Variants in CNTN5 observed in about 807,000 individuals in gnomAD.
CNTN5 encodes contactin-5.
CNTN5 carries 77 observed loss-of-function variants against 129.1 expected under a neutral mutation model. The observed-to-expected ratio is 0.60, with a 90% CI of 0.50 to 0.72. The LOEUF (loss-of-function observed/expected upper bound fraction) is 0.72, where lower values mean the gene tolerates loss of function less well. CNTN5 is among the 30% of genes least tolerant of loss of function. CNTN5 has a pLI of 0.00. For synonymous variants in CNTN5, 509 were observed against 465.6 expected, an observed-to-expected ratio of 1.09 and a Z score of -1.20; for missense variants, 1,478 against 1,328.8, an observed-to-expected ratio of 1.11 and a Z score of -1.75.
At chr11:100,133,901 C>A in intron 13 of CNTN5, among the ~76,000 whole-genome samples, 1 of 152,000 alleles carries the variant, frequency 6.6e-6, no homozygotes, top group Admixed American at 6.6e-5. Flanking sequence ...TTTATAATGT[C>A]ATTTGATTTT....
At chr11:99,170,633 T>A (rs1007265632) in intron 1 of CNTN5, among the ~76,000 whole-genome samples, 2 of 152,246 alleles carry the variant, frequency 1.3e-5, no homozygotes, top group Non-Finnish European at 2.9e-5. Flanking sequence ...AAACAGCATA[T>A]GTTTCTAGGT....
intron 16 of CNTN5, chr11:100,225,085 A>C (rs1482539505): frequency 4.5e-6 from 1 of 223,808 alleles, no homozygotes; most frequent in Non-Finnish European, 9.0e-6. Context: ...CAAGGAAATA[A>C]TCTAAACAGT....
At chr11:99,589,993 A>G (rs1042837370) in intron 3 of CNTN5, among the ~76,000 whole-genome samples, 4 of 152,212 alleles carry the variant, frequency 2.6e-5, no homozygotes, top group Non-Finnish European at 5.9e-5. Context: ...AGAATGATTT[A>G]CGGAGAGATT....
Position 99,615,516 on chromosome 11 carries a change from A to T in CNTN5, c.55+59247A>T, listed in dbSNP as rs191985160. On this transcript the variant is annotated intron_variant, in intron 3 of 24. Transcript: ENST00000524871. ...AGTGATATCCCTTCTTCTGATGATG[A>T]CAGCTTAGCTACTGAAACTGACTTG... Among the ~76,000 whole-genome samples, 5 of 152,312 alleles carry T rather than the reference A, an allele frequency of 3.3e-5. No homozygotes were observed. In the East Asian group the frequency reaches 9.7e-4, roughly 29 times the overall value.
At chr11:99,543,580 G>T (rs1948182130) in intron 2 of CNTN5, among the ~76,000 whole-genome samples, 1 of 152,118 alleles carries the variant, frequency 6.6e-6, no homozygotes, top group Admixed American at 6.5e-5. Context: ...AAGGCACAAT[G>T]AACCTAGATA....
At chr11:99,669,325 C>T (rs1952932975) in intron 3 of CNTN5, among the ~76,000 whole-genome samples, 1 of 151,990 alleles carries the variant, frequency 6.6e-6, no homozygotes. Flanking sequence ...TCATTGCCAT[C>T]TAAATTATTG....
intron 2 of CNTN5, among the ~76,000 whole-genome samples, chr11:99,408,061 T>G (rs1054744319): frequency 6.6e-6 from 1 of 152,058 alleles, no homozygotes; most frequent in Non-Finnish European, 1.5e-5. Flanking sequence ...CTTACAAAGG[T>G]GCTTTTTTCT....
intron 3 of CNTN5, among the ~76,000 whole-genome samples, chr11:99,676,312 C>A (rs1953280588): frequency 6.6e-6 from 1 of 152,038 alleles, no homozygotes; most frequent in South Asian, 2.1e-4. Flanking sequence ...CCATAGACTA[C>A]AACATAAAAA....
At chr11:100,001,565 A>G (rs1053249163) in intron 8 of CNTN5, among the ~76,000 whole-genome samples, 6 of 152,196 alleles carry the variant, frequency 3.9e-5, no homozygotes, top group African/African-American at 1.2e-4. Flanking sequence ...CTTTAAGAAT[A>G]TAGTTGCTGA....
intron 18 of CNTN5, among the ~76,000 whole-genome samples, chr11:100,281,165 T>C (rs1443751607): frequency 6.6e-6 from 1 of 152,146 alleles, no homozygotes; most frequent in African/African-American, 2.4e-5. Context: ...TTTTCCTGTG[T>C]ACTTACTATT....
At chr11:100,115,134 A>AAAAAAAAAAAAAAC (rs1945798733) in intron 13 of CNTN5, among the ~76,000 whole-genome samples, 1 of 150,934 alleles carries the variant, frequency 6.6e-6, no homozygotes, top group Admixed American at 6.6e-5. Flanking sequence ...AAAAAAAAAA[A>AAAAAAAAAAAAAAC]AAAAAGAAAG....
In CNTN5 at chr11:100,299,148, T is replaced by A; in HGVS notation, c.2386-14T>A. ...ATCATTTTGCTGATAATTAATTATA[T>A]TTTTCTTCTTTAGCCAGTATCTGAA... On this transcript the variant is annotated splice_polypyrimidine_tract_variant and intron_variant, in intron 19 of 24. Coordinates refer to ENST00000524871, the MANE Select transcript of CNTN5 (RefSeq NM_014361.4). 1 of 1,491,488 alleles carries A rather than the reference T, an allele frequency of 6.7e-7. No individual in the cohort carries two copies. The highest frequency in any genetic ancestry group is 9.1e-7 in the Non-Finnish European group (1 of 1,096,024). 92.4% of individuals were successfully genotyped at this position (1,491,488 alleles called of 1,614,324 possible).
At chr11:100,124,608 A>G (rs569453952) in intron 13 of CNTN5, among the ~76,000 whole-genome samples, 4 of 152,234 alleles carry the variant, frequency 2.6e-5, no homozygotes, top group Admixed American at 2.0e-4. Flanking sequence ...GGAAGTATCA[A>G]TACCATATAA....
chr11:100,236,204 C>T (rs545669729), intron 16 of CNTN5, among the ~76,000 whole-genome samples: 57 of 152,256 alleles, frequency 3.7e-4, no homozygotes, highest in African/African-American at 1.3e-3. Context: ...ATAAATTCCC[C>T]CACACTCCCT....
At chr11:99,651,585 T>C (rs1952158768) in intron 3 of CNTN5, among the ~76,000 whole-genome samples, 1 of 152,002 alleles carries the variant, frequency 6.6e-6, no homozygotes, top group Admixed American at 6.6e-5. Context: ...GTAAAATATT[T>C]TGTTTTATTT....
At chr11:99,837,212 A>G (rs745808138) in intron 4 of CNTN5, among the ~76,000 whole-genome samples, 3 of 152,178 alleles carry the variant, frequency 2.0e-5, no homozygotes, top group Non-Finnish European at 4.4e-5. Context: ...ATACAGTTCA[A>G]TGAACTTTGT....
intron 21 of CNTN5, among the ~76,000 whole-genome samples, chr11:100,326,373 A>G (rs955732762): frequency 6.6e-6 from 1 of 152,180 alleles, no homozygotes; most frequent in African/African-American, 2.4e-5. Flanking sequence ...GACATTTAAG[A>G]TAGAGAAATT....
chr11:99,170,910 AC>A (rs1861117355), intron 1 of CNTN5, among the ~76,000 whole-genome samples: 1 of 152,226 alleles, frequency 6.6e-6, no homozygotes, highest in Non-Finnish European at 1.5e-5. Flanking sequence ...ATGTCAATTT[AC>A]AACCTTTAGA....
chr11:100,169,801 T>C (rs1947769748), intron 13 of CNTN5, among the ~76,000 whole-genome samples: 1 of 152,030 alleles, frequency 6.6e-6, no homozygotes, highest in African/African-American at 2.4e-5. Flanking sequence ...CTAGTTAGTA[T>C]GACTAAGTTT....
Sources: allele counts gnomAD v4.1 joint callset (sites outside exome capture counted in the v4.1 genomes callset), GRCh38; gene constraint gnomAD v4.1.1; transcripts MANE v1.5; gene names NCBI Gene and HGNC (gene_info 2026-07-23, HGNC 2026-07-21).